The following SDK1 variants were observed in gnomAD, a reference collection of about 807,000 sequenced individuals.
SDK1 encodes protein sidekick-1.
In SDK1, 157 loss-of-function variants were observed where a neutral mutation model predicts 245.5. That is an observed-to-expected ratio of 0.64 (90% CI 0.56 to 0.73). The LOEUF is 0.73. Ranked by LOEUF, SDK1 falls within the 30% of genes least tolerant of loss-of-function variation. The pLI is 0.00. For missense variants in SDK1, 3,583 were observed against 3,002.3 expected (o/e 1.19, Z -4.52); for synonymous variants, 1,647 against 1,278.5 (o/e 1.29, Z -6.15).
chr7:3,974,371 A>G lies in SDK1; in HGVS notation c.1820A>G (p.Tyr607Cys). 1 of 1,611,354 alleles carries G rather than the reference A, an allele frequency of 6.2e-7. No homozygotes were observed. The highest frequency in any genetic ancestry group is 1.1e-5 in the South Asian group (1 of 90,962). Reference sequence around the variant, plus strand: ...AAGACCCTTTGCTTGGCCCACAGCTACGTTTGGAAGAAGGACAACGTGGCC... The same window carrying G: ...AAGACCCTTTGCTTGGCCCACAGCTGCGTTTGGAAGAAGGACAACGTGGCC... Reference protein sequence around the residue: ...ATHDPRVSLRYVWKKDNVALT... With the variant: ...ATHDPRVSLRCVWKKDNVALT... The change falls in exon 13 of 45, where the codon TAC becomes TGC. Residue 607 changes from tyrosine to cysteine, a missense_variant and splice_region_variant. Coordinates refer to ENST00000404826, the MANE Select transcript of SDK1 (RefSeq NM_152744.4).
At chr7:4,162,569 T>A (rs918147004) in intron 32 of SDK1, among the ~76,000 whole-genome samples, 4 of 151,682 alleles carry the variant, frequency 2.6e-5, no homozygotes, top group Non-Finnish European at 5.9e-5. Flanking sequence ...CCAACTAACT[T>A]TTGTATTTTT....
intron 13 of SDK1, among the ~76,000 whole-genome samples, chr7:3,984,099 C>T (rs979338904): frequency 5.9e-5 from 9 of 152,184 alleles, no homozygotes; most frequent in African/African-American, 2.2e-4. Flanking sequence ...GGTGTGCCTG[C>T]TTCGGGTAGA....
intron 1 of SDK1, among the ~76,000 whole-genome samples, chr7:3,543,332 G>A (rs1373745758): frequency 2.0e-5 from 3 of 152,244 alleles, no homozygotes; most frequent in African/African-American, 4.8e-5. Flanking sequence ...TTTCATGGAC[G>A]CGATCACTAT....
At chr7:3,568,139 A>G (rs183384442) in intron 1 of SDK1, among the ~76,000 whole-genome samples, 26 of 152,338 alleles carry the variant, frequency 1.7e-4, no homozygotes, top group South Asian at 1.7e-3. Context: ...TCTTTGAACA[A>G]TGATCATTAA....
intron 20 of SDK1, among the ~76,000 whole-genome samples, chr7:4,071,968 C>G (rs1780283042): frequency 6.6e-6 from 1 of 152,334 alleles, no homozygotes; most frequent in African/African-American, 2.4e-5. Flanking sequence ...ACAGCACACA[C>G]TTCTTTCCTG....
intron 1 of SDK1, among the ~76,000 whole-genome samples, chr7:3,350,834 C>T (rs1308547831): frequency 6.6e-6 from 1 of 152,138 alleles, no homozygotes; most frequent in Non-Finnish European, 1.5e-5. Context: ...ATTAGTAGGA[C>T]TGTTAAAATA....
intron 35 of SDK1, among the ~76,000 whole-genome samples, chr7:4,187,287 A>G (rs1782952809): frequency 6.6e-6 from 1 of 152,206 alleles, no homozygotes; most frequent in Non-Finnish European, 1.5e-5. Flanking sequence ...ATACATTTGC[A>G]CAAGACTATG....
intron 22 of SDK1, among the ~76,000 whole-genome samples, chr7:4,084,086 C>T (rs6962719): frequency 0.039 from 5,970 of 152,154 alleles, 356 homozygotes; most frequent in African/African-American, 0.13. Flanking sequence ...TCAGTCTTTC[C>T]TCATTTAGCT....
At position 3,407,265 on chromosome 7, in the gene SDK1, A is replaced by G. The variant is rs79302343; in HGVS notation, c.298+105381A>G. On this transcript the variant is annotated intron_variant, in intron 1 of 44. Coordinates refer to ENST00000404826, the MANE Select transcript of SDK1 (RefSeq NM_152744.4). ...TCCCAGCAGGAATTTTGTAAAACACATAATCTTTGCTCATAGCCATTACCC... is the reference window on the plus strand; with the variant it reads ...TCCCAGCAGGAATTTTGTAAAACACGTAATCTTTGCTCATAGCCATTACCC... Among the ~76,000 whole-genome samples the G allele has an allele frequency of 8.8e-3, 1,342 of 152,326 alleles. 23 individuals carry two copies. The highest frequency in any genetic ancestry group is 0.031 in the African/African-American group (1,276 of 41,560).
At chr7:3,973,675 G>A (rs1032879240) in intron 12 of SDK1, among the ~76,000 whole-genome samples, 1 of 151,836 alleles carries the variant, frequency 6.6e-6, no homozygotes, top group Non-Finnish European at 1.5e-5. Flanking sequence ...AGCATTTACC[G>A]GGGCAGGAAT....
At chr7:4,020,080 C>T (rs1348320736) in intron 17 of SDK1, among the ~76,000 whole-genome samples, 1 of 151,950 alleles carries the variant, frequency 6.6e-6, no homozygotes, top group South Asian at 2.1e-4. Context: ...ATTCCTGGGC[C>T]ACGAGGATGA....
intron 5 of SDK1, among the ~76,000 whole-genome samples, chr7:3,842,789 A>G (rs1413740635): frequency 3.9e-5 from 6 of 152,136 alleles, no homozygotes; most frequent in Non-Finnish European, 2.9e-5. Context: ...GCTTCCTGAT[A>G]ATGCTGAACC....
intron 35 of SDK1, among the ~76,000 whole-genome samples, chr7:4,199,610 C>T (rs1783774222): frequency 6.6e-6 from 1 of 152,200 alleles, no homozygotes; most frequent in East Asian, 1.9e-4. Context: ...TTAAAACAGT[C>T]TTTAAAGCTA....
chr7:3,342,768 A>G (rs1159808504), intron 1 of SDK1, among the ~76,000 whole-genome samples: 3 of 152,210 alleles, frequency 2.0e-5, no homozygotes, highest in Admixed American at 1.3e-4. Context: ...TACTAGTAGA[A>G]AATATTTTCA....
In SDK1 at chr7:3,960,045, G is replaced by A. The variant is rs148166762; in HGVS notation, c.1234+1031G>A. Among the ~76,000 whole-genome samples, 18 of 152,292 alleles carry A rather than the reference G, an allele frequency of 1.2e-4. No homozygotes were observed. The East Asian group carries it at 2.7e-3, about 23-fold the overall frequency. ...TTTTCTCTTTTGTTTATACCCATCC[G>A]TCCTAAGGATAGTATTTTCTCCTAC... On this transcript the variant is annotated intron_variant, in intron 8 of 44. Coordinates refer to ENST00000404826, the MANE Select transcript of SDK1 (RefSeq NM_152744.4).
intron 4 of SDK1, among the ~76,000 whole-genome samples, chr7:3,692,901 A>G (rs1374598850): frequency 1.3e-5 from 2 of 152,060 alleles, no homozygotes; most frequent in African/African-American, 4.8e-5. Flanking sequence ...TTATATATTA[A>G]TATGATAGAT....
intron 1 of SDK1, among the ~76,000 whole-genome samples, chr7:3,386,458 C>G (rs1228769831): frequency 6.6e-6 from 1 of 152,180 alleles, no homozygotes; most frequent in African/African-American, 2.4e-5. Context: ...TCAAAACACA[C>G]TCATATTTTG....
chr7:4,137,891 G>A (rs1779200360), intron 28 of SDK1, among the ~76,000 whole-genome samples: 1 of 152,258 alleles, frequency 6.6e-6, no homozygotes, highest in Admixed American at 6.5e-5. Context: ...AAAATGCAAG[G>A]ACTGCTACTC....
chr7:3,472,178 G>A (rs1781204890), intron 1 of SDK1, among the ~76,000 whole-genome samples: 1 of 152,142 alleles, frequency 6.6e-6, no homozygotes, highest in Non-Finnish European at 1.5e-5. Flanking sequence ...TGAAGGGATT[G>A]TAAATATTGT....
Sources: allele counts gnomAD v4.1 joint callset (sites outside exome capture counted in the v4.1 genomes callset), GRCh38; gene constraint gnomAD v4.1.1; transcripts MANE v1.5; gene names NCBI Gene and HGNC (gene_info 2026-07-23, HGNC 2026-07-21).